SRGAP3: variants seen among roughly 807,000 people sequenced by gnomAD.
SRGAP3 encodes the protein SLIT-ROBO Rho GTPase-activating protein 3.
A neutral mutation model predicts 121.1 loss-of-function variants in SRGAP3; 39 were observed. That is an observed-to-expected ratio of 0.32 (90% CI 0.25 to 0.42). SRGAP3 has a LOEUF of 0.42. Among genes scored for constraint, SRGAP3 ranks in the 10% least tolerant of loss-of-function variants. The pLI is 1.00. For missense variants in SRGAP3, 1,213 were observed against 1,470.6 expected (o/e 0.82, Z 2.86); for synonymous variants, 601 against 570.0 (o/e 1.05, Z -0.77).
intron 2 of SRGAP3, among the ~76,000 whole-genome samples, chr3:9,123,762 GTATA>G (rs1949113282): frequency 3.4e-5 from 5 of 148,986 alleles, no homozygotes; most frequent in African/African-American, 1.0e-4. Flanking sequence ...GTGTATGTGT[GTATA>G]TATGTATGTG....
At chr3:9,303,993 C>T (rs1574987714) in intron 3 of SRGAP3, among the ~76,000 whole-genome samples, 1 of 152,200 alleles carries the variant, frequency 6.6e-6, no homozygotes, top group East Asian at 1.9e-4. Flanking sequence ...AATCTAGGCA[C>T]CACACAAAAT....
chr3:9,220,048 G>A (rs2125196483), intron 1 of SRGAP3, among the ~76,000 whole-genome samples: 1 of 152,270 alleles, frequency 6.6e-6, no homozygotes, highest in South Asian at 2.1e-4. Context: ...GTGGGGCGGG[G>A]AGGAAGAGAG....
intron 1 of SRGAP3, among the ~76,000 whole-genome samples, chr3:9,189,236 C>T: frequency 6.6e-6 from 1 of 152,164 alleles, no homozygotes; most frequent in East Asian, 1.9e-4. Context: ...AATCCAAAGC[C>T]GGGGATGAGA....
intron 10 of SRGAP3, 30 bp from the exon 11 acceptor site, chr3:9,038,120 A>C: frequency 6.2e-7 from 1 of 1,614,020 alleles, no homozygotes; most frequent in Non-Finnish European, 8.5e-7. Flanking sequence ...TGAATGTTTA[A>C]TTGCCTTTTC....
At chr3:9,226,542 G>A (rs148203934) in intron 1 of SRGAP3, among the ~76,000 whole-genome samples, 84 of 152,218 alleles carry the variant, frequency 5.5e-4, no homozygotes, top group Non-Finnish European at 9.4e-4. Context: ...TTCTATAAAC[G>A]CAGCCCAGAA....
At chr3:9,104,044 A>G (rs1948318664) in intron 3 of SRGAP3, among the ~76,000 whole-genome samples, 1 of 152,232 alleles carries the variant, frequency 6.6e-6, no homozygotes, top group Non-Finnish European at 1.5e-5. Flanking sequence ...AAAATAACAG[A>G]AATAAACTAA....
intron 1 of SRGAP3, among the ~76,000 whole-genome samples, chr3:9,227,384 C>A (rs541777230): frequency 1.4e-4 from 22 of 152,126 alleles, no homozygotes; most frequent in Non-Finnish European, 2.9e-5. Flanking sequence ...AATAACAGAG[C>A]GCACTTATTG....
intron 2 of SRGAP3, among the ~76,000 whole-genome samples, chr3:9,121,323 CTT>C: frequency 6.6e-6 from 1 of 152,210 alleles, no homozygotes; most frequent in African/African-American, 2.4e-5. Flanking sequence ...AACCAAGAAT[CTT>C]TACGACGGTG....
intron 3 of SRGAP3, among the ~76,000 whole-genome samples, chr3:9,303,619 T>C (rs1203596594): frequency 6.6e-6 from 1 of 152,180 alleles, no homozygotes; most frequent in African/African-American, 2.4e-5. Flanking sequence ...ATAAGCCTTG[T>C]TCTAAGCATT....
At chr3:9,126,649 A>AACTAACTAAC (rs1560211140) in intron 1 of SRGAP3, among the ~76,000 whole-genome samples, 3 of 137,004 alleles carry the variant, frequency 2.2e-5, no homozygotes, top group African/African-American at 6.2e-5. Flanking sequence ...AACTAACTAA[A>AACTAACTAAC]TAAATAAATA....
intron 1 of SRGAP3, among the ~76,000 whole-genome samples, chr3:9,214,117 AACACACACACAC>A (rs34152705): frequency 1.7e-3 from 232 of 133,892 alleles, no homozygotes; most frequent in African/African-American, 5.4e-3. Flanking sequence ...ACCCACCTCC[AACACACACACAC>A]ACACACACAC....
At chr3:9,184,032 C>CG (rs1161208211) in intron 1 of SRGAP3, among the ~76,000 whole-genome samples, 13 of 152,224 alleles carry the variant, frequency 8.5e-5, no homozygotes, top group Non-Finnish European at 1.5e-4. Flanking sequence ...AGAATGCTTT[C>CG]GGGGGCCCTT....
intron 1 of SRGAP3, among the ~76,000 whole-genome samples, chr3:9,243,668 A>G (rs947124506): frequency 6.8e-4 from 102 of 150,886 alleles, no homozygotes; most frequent in African/African-American, 2.4e-3. Context: ...GAGAGAGAGA[A>G]AAGGGACTGG....
chr3:9,178,957 C>A (rs1031283309), intron 1 of SRGAP3, among the ~76,000 whole-genome samples: 1 of 152,226 alleles, frequency 6.6e-6, no homozygotes, highest in Non-Finnish European at 1.5e-5. Flanking sequence ...GCTGTACTGA[C>A]AGCCCTCTGA....
chr3:9,222,753 C>T (rs1952856167), intron 1 of SRGAP3, among the ~76,000 whole-genome samples: 1 of 152,176 alleles, frequency 6.6e-6, no homozygotes, highest in South Asian at 2.1e-4. Flanking sequence ...CATAAATGCC[C>T]ACGTGCACCT....
chr3:9,124,974 G>A, intron 1 of SRGAP3, 57 bp from the exon 2 acceptor site: 1 of 1,600,736 alleles, frequency 6.2e-7, no homozygotes, highest in East Asian at 2.2e-5. Context: ...GGGCACTGGG[G>A]CCCGCTCTGC....
At chr3:9,331,612 A>G (rs1199949822) in intron 1 of SRGAP3, among the ~76,000 whole-genome samples, 1 of 152,194 alleles carries the variant, frequency 6.6e-6, no homozygotes, top group Non-Finnish European at 1.5e-5. Context: ...TCCTTCTTTC[A>G]AGAGGTATAT....
intron 3 of SRGAP3, among the ~76,000 whole-genome samples, chr3:9,295,615 C>G (rs1954939518): frequency 6.7e-6 from 1 of 148,226 alleles, no homozygotes; most frequent in African/African-American, 2.5e-5. Flanking sequence ...TTTTTTAGCT[C>G]TTTTTTTCTA....
At chr3:9,238,512 G>T (rs1481555161) in intron 1 of SRGAP3, among the ~76,000 whole-genome samples, 5 of 152,130 alleles carry the variant, frequency 3.3e-5, no homozygotes, top group Non-Finnish European at 7.3e-5. Context: ...ACGAGCATAT[G>T]GGTAAAGATT....
Sources: gnomAD v4.1 joint callset for allele counts (sites outside exome capture counted in the v4.1 genomes callset) on GRCh38, gnomAD v4.1.1 for gene constraint, MANE v1.5 for transcripts, NCBI Gene and HGNC (gene_info 2026-07-23, HGNC 2026-07-21) for gene names.